Variants in TMTC2 observed in about 807,000 individuals in gnomAD.
TMTC2 encodes the protein transmembrane O-mannosyltransferase targeting cadherins 2, also known as protein O-mannosyl-transferase TMTC2.
A neutral mutation model predicts 82.4 loss-of-function variants in TMTC2; 43 were observed. The ratio of observed to expected loss-of-function variants is 0.52; its 90% CI spans 0.41 to 0.67. The LOEUF (loss-of-function observed/expected upper bound fraction) is 0.67, where lower values mean the gene tolerates loss of function less well. TMTC2 is among the 30% of genes least tolerant of loss of function. The pLI is 0.00. For synonymous variants in TMTC2, 408 were observed against 381.9 expected (o/e 1.07, Z -0.80); for missense variants, 919 against 1,012.4 (o/e 0.91, Z 1.25).
intron 1 of TMTC2, chr12:82,690,441 A>G (rs935544551): frequency 5.1e-6 from 5 of 976,346 alleles, no homozygotes; most frequent in Non-Finnish European, 4.9e-6. Context: ...TCTCAAGGTT[A>G]TCATTTCTTT....
intron 11 of TMTC2, among the ~76,000 whole-genome samples, chr12:83,105,542 G>A (rs1884364758): frequency 6.6e-6 from 1 of 152,154 alleles, no homozygotes; most frequent in Non-Finnish European, 1.5e-5. Context: ...GGTGAAAGCA[G>A]GAGGAGGAAA....
At chr12:82,764,664 G>T (rs1876844357) in intron 1 of TMTC2, among the ~76,000 whole-genome samples, 1 of 152,054 alleles carries the variant, frequency 6.6e-6, no homozygotes, top group African/African-American at 2.4e-5. Context: ...AGGTTTATTT[G>T]CCAAAGTTAA....
At chr12:82,978,402 A>G (rs1193173719) in intron 7 of TMTC2, among the ~76,000 whole-genome samples, 5 of 151,876 alleles carry the variant, frequency 3.3e-5, no homozygotes, top group Admixed American at 6.6e-5. Flanking sequence ...TCTAAAACAT[A>G]CAGCTATTAA....
At chr12:83,072,375 A>G (rs755408498) in intron 11 of TMTC2, among the ~76,000 whole-genome samples, 3 of 152,136 alleles carry the variant, frequency 2.0e-5, no homozygotes, top group Non-Finnish European at 4.4e-5. Flanking sequence ...AGTGCTTGAT[A>G]TAATTTCAAT....
chr12:83,114,855 T>C (rs2137551065), intron 11 of TMTC2, among the ~76,000 whole-genome samples: 1 of 151,758 alleles, frequency 6.6e-6, no homozygotes, highest in Non-Finnish European at 1.5e-5. Context: ...TGTATATATC[T>C]GATATATGTG....
intron 11 of TMTC2, among the ~76,000 whole-genome samples, chr12:83,128,744 G>T (rs749600264): frequency 3.1e-4 from 47 of 152,252 alleles, no homozygotes; most frequent in Non-Finnish European, 6.5e-4. Context: ...CTGGACTATA[G>T]TCTGTGTGCT....
At chr12:82,993,419 A>G (rs1031272866) in intron 8 of TMTC2, among the ~76,000 whole-genome samples, 2 of 152,126 alleles carry the variant, frequency 1.3e-5, no homozygotes, top group African/African-American at 2.4e-5. Context: ...GAGATTTGCA[A>G]CAATTTAAAA....
At chr12:82,705,651 GA>G (rs1259203748) in intron 1 of TMTC2, among the ~76,000 whole-genome samples, 2 of 152,214 alleles carry the variant, frequency 1.3e-5, no homozygotes, top group African/African-American at 4.8e-5. Flanking sequence ...TTTGATTTAA[GA>G]GTGTTAAGTC....
chr12:82,765,670 A>G (rs150574471), intron 1 of TMTC2, among the ~76,000 whole-genome samples: 1 of 151,362 alleles, frequency 6.6e-6, no homozygotes, highest in Non-Finnish European at 1.5e-5. Flanking sequence ...GTGAAACTCC[A>G]TCTCGAAAAA....
At chr12:82,770,104 G>C (rs1475507446) in intron 1 of TMTC2, among the ~76,000 whole-genome samples, 2 of 152,126 alleles carry the variant, frequency 1.3e-5, no homozygotes, top group Non-Finnish European at 2.9e-5. Flanking sequence ...AAGTGTCCTT[G>C]AGTGATTTAT....
At chr12:82,886,886 T>G (rs1333189317) in intron 2 of TMTC2, among the ~76,000 whole-genome samples, 2 of 152,122 alleles carry the variant, frequency 1.3e-5, no homozygotes, top group Non-Finnish European at 2.9e-5. Flanking sequence ...GTTCAGAAAT[T>G]ATGCCTTTGA....
rs1445514712 is a variant in TMTC2, at chr12:83,103,722, C to T, written c.2332-28488C>T. Among the ~76,000 whole-genome samples the T allele has an allele frequency of 2.0e-5, 3 of 152,176 alleles. No individual in the cohort carries two copies. The East Asian group carries it at 5.8e-4, about 29-fold the overall frequency. On this transcript the variant is annotated intron_variant, in intron 11 of 11. Coordinates refer to ENST00000321196, the MANE Select transcript of TMTC2 (RefSeq NM_152588.3). ...TCCCCCAAATTTCATGTCCTTCTCA[C>T]ACTGCAAAACATAATCATGCCTTCT...
chr12:82,956,296 A>AAT lies in TMTC2; in HGVS notation c.1599-8713_1599-8712dup, dbSNP rs146632110. Among the ~76,000 whole-genome samples the AAT allele has an allele frequency of 8.9e-3, 1,340 of 150,188 alleles. 16 individuals carry two copies. The highest frequency in any genetic ancestry group is 0.024 in the African/African-American group (984 of 41,002). ...GCACAGAGTACCAAGTGGAATGAAA[A>AAT]ATATATATATATATATGTCTGCTGT... On this transcript the variant is annotated intron_variant, in intron 4 of 11. Coordinates refer to ENST00000321196, the MANE Select transcript of TMTC2 (RefSeq NM_152588.3).
chr12:82,834,587 T>A (rs1869928079), intron 1 of TMTC2, among the ~76,000 whole-genome samples: 1 of 152,210 alleles, frequency 6.6e-6, no homozygotes, highest in Admixed American at 6.5e-5. Flanking sequence ...AAGACATTTA[T>A]CATCCTCCTT....
chr12:83,008,017 A>AT (rs201778512), intron 8 of TMTC2, among the ~76,000 whole-genome samples: 8 of 152,184 alleles, frequency 5.3e-5, no homozygotes, highest in African/African-American at 1.9e-4. Flanking sequence ...AGGTAAGGTG[A>AT]TTTTTTCCCC....
intron 1 of TMTC2, among the ~76,000 whole-genome samples, chr12:82,743,624 C>T (rs1215599734): frequency 6.6e-6 from 1 of 152,054 alleles, no homozygotes; most frequent in African/African-American, 2.4e-5. Context: ...ATTCCATGTC[C>T]AATTTTGATC....
At chr12:82,906,004 C>T (rs578147428) in intron 3 of TMTC2, among the ~76,000 whole-genome samples, 8 of 151,486 alleles carry the variant, frequency 5.3e-5, no homozygotes, top group South Asian at 2.1e-4. Flanking sequence ...AATTTTGCAG[C>T]GTCTGACAAT....
chr12:83,014,953 A>G (rs1000489989), intron 8 of TMTC2, among the ~76,000 whole-genome samples: 2 of 152,122 alleles, frequency 1.3e-5, no homozygotes, highest in Non-Finnish European at 2.9e-5. Context: ...TATCCCTGTA[A>G]AGAATTGAAT....
At chr12:82,876,057 G>GTGATGGTGATGGTGATTAGTATTCATAA (rs1345121980) in intron 2 of TMTC2, among the ~76,000 whole-genome samples, 1 of 137,048 alleles carries the variant, frequency 7.3e-6, no homozygotes, top group African/African-American at 2.9e-5. Context: ...GGTGGTGGTG[G>GTGATGGTGATGGTGATTAGTATTCATAA]TGGTGGTGGT....
Sources: allele counts gnomAD v4.1 joint callset (sites outside exome capture counted in the v4.1 genomes callset), GRCh38; gene constraint gnomAD v4.1.1; transcripts MANE v1.5; gene names NCBI Gene and HGNC (gene_info 2026-07-23, HGNC 2026-07-21).